Variants in DSCAM observed in about 807,000 individuals in gnomAD.
DSCAM encodes the protein cell adhesion molecule DSCAM.
DSCAM carries 47 observed loss-of-function variants against 217.7 expected under a neutral mutation model. The ratio of observed to expected loss-of-function variants is 0.22; its 90% CI spans 0.17 to 0.28. The LOEUF (loss-of-function observed/expected upper bound fraction) is 0.28, where lower values mean the gene tolerates loss of function less well. Ranked by LOEUF, DSCAM falls within the 10% of genes least tolerant of loss-of-function variation. DSCAM has a pLI of 1.00. For synonymous variants in DSCAM, 1,056 were observed against 1,015.3 expected (o/e 1.04, Z -0.76); for missense variants, 2,080 against 2,618.3 (o/e 0.79, Z 4.49).
intron 4 of DSCAM, among the ~76,000 whole-genome samples, chr21:40,367,976 C>T (rs1391199227): frequency 6.6e-6 from 1 of 152,150 alleles, no homozygotes; most frequent in South Asian, 2.1e-4. Context: ...GGAAAGTAAA[C>T]TTGCCTTTCC....
chr21:40,505,486 A>G (rs1251297713), intron 3 of DSCAM, among the ~76,000 whole-genome samples: 3 of 152,208 alleles, frequency 2.0e-5, no homozygotes, highest in Non-Finnish European at 4.4e-5. Context: ...GAAGAAGTCT[A>G]CTAGTCAGAG....
chr21:40,352,554 T>A (rs999361157), intron 5 of DSCAM, among the ~76,000 whole-genome samples: 6 of 152,288 alleles, frequency 3.9e-5, no homozygotes, highest in Admixed American at 1.3e-4. Flanking sequence ...GAAGAGAAAG[T>A]TCCATAAACA....
chr21:40,436,632 T>C (rs2075585311), intron 3 of DSCAM, among the ~76,000 whole-genome samples: 2 of 152,098 alleles, frequency 1.3e-5, no homozygotes, highest in South Asian at 4.2e-4. Context: ...AGAACACCAG[T>C]TCTGTGGGAT....
At chr21:40,264,188 G>A (rs1395536835) in intron 11 of DSCAM, among the ~76,000 whole-genome samples, 1 of 152,122 alleles carries the variant, frequency 6.6e-6, no homozygotes, top group African/African-American at 2.4e-5. Context: ...AGGGAATCCT[G>A]CCTAACTTAT....
Position 40,342,250 on chromosome 21 carries a change from CTA to C in DSCAM, c.1211-2837_1211-2836del, listed in dbSNP as rs529513520. On this transcript the variant is annotated intron_variant, in intron 6 of 32. Transcript: ENST00000400454. ...ATGATCTGATACATTTGTAAGATTC[CTA>C]TAGAGATTATATATAATATCTGTCA... Among the ~76,000 whole-genome samples, 410 of 151,898 alleles carry C rather than the reference CTA, an allele frequency of 2.7e-3. 1 individual carries two copies. The highest frequency in any genetic ancestry group is 4.5e-3 in the Non-Finnish European group (304 of 67,968).
Position 40,832,637 on chromosome 21 carries a change from G to C in DSCAM, c.43+13982C>G, listed in dbSNP as rs2092021243. Among the ~76,000 whole-genome samples the C allele has an allele frequency of 2.0e-5, 3 of 152,050 alleles. No individual in the cohort carries two copies. The South Asian group carries it at 6.2e-4, about 32-fold the overall frequency. On this transcript the variant is annotated intron_variant, in intron 1 of 32. Transcript: ENST00000400454. Reference sequence around the variant, plus strand: ...CGTTTCCAGCCAGATCAAAACACAGGCAAATTCTGATTTAAAAAACTGCAC... The same window carrying C: ...CGTTTCCAGCCAGATCAAAACACAGCCAAATTCTGATTTAAAAAACTGCAC...
Position 40,250,988 on chromosome 21 carries a change from T to G in DSCAM, c.2356+25109A>C, listed in dbSNP as rs113277610. The stretch of plus-strand genomic sequence containing the variant: ...GAGCATTTGCTCAATCTCTATCACC[T>G]GATATCCTGAAAAGGGAGTGGAGGC... On this transcript the variant is annotated intron_variant, in intron 11 of 32. Transcript: ENST00000400454. 3.3e-3 allele frequency among the ~76,000 whole-genome samples: 500 copies of G among 152,350 alleles called. 8 individuals are homozygous for G. Among genetic ancestry groups the G allele is most frequent in the African/African-American group, 0.011 (476 of 41,582 alleles).
At chr21:40,270,862 AG>A (rs1288458288) in intron 11 of DSCAM, among the ~76,000 whole-genome samples, 1 of 152,200 alleles carries the variant, frequency 6.6e-6, no homozygotes, top group African/African-American at 2.4e-5. Flanking sequence ...ATTAGGGGTT[AG>A]GATAAAGATT....
intron 1 of DSCAM, among the ~76,000 whole-genome samples, chr21:40,771,311 T>C (rs1220239841): frequency 6.6e-6 from 1 of 152,198 alleles, no homozygotes; most frequent in Non-Finnish European, 1.5e-5. Context: ...TTCAGGCTGC[T>C]GTCATAACGC....
chr21:40,739,197 C>A (rs1322255471), intron 1 of DSCAM, among the ~76,000 whole-genome samples: 2 of 152,146 alleles, frequency 1.3e-5, no homozygotes, highest in African/African-American at 4.8e-5. Context: ...ACAACCAAAC[C>A]TAGACAGGCG....
chr21:40,120,889 G>T (rs2090025698), intron 20 of DSCAM, among the ~76,000 whole-genome samples: 1 of 115,564 alleles, frequency 8.7e-6, no homozygotes, highest in African/African-American at 3.8e-5. Context: ...ACATATTAGA[G>T]AAAAAAGCTT....
chr21:40,221,145 C>T (rs1318789545), intron 11 of DSCAM, among the ~76,000 whole-genome samples: 2 of 152,026 alleles, frequency 1.3e-5, no homozygotes, highest in African/African-American at 4.8e-5. Flanking sequence ...TGTGGAGTGT[C>T]AAACAGGATG....
chr21:40,793,560 G>C (rs1228518568), intron 1 of DSCAM, among the ~76,000 whole-genome samples: 5 of 151,680 alleles, frequency 3.3e-5, no homozygotes, highest in African/African-American at 1.2e-4. Context: ...GTGTGATCTC[G>C]GCTCACTGAA....
rs1023897992 is a variant in DSCAM at position 40,012,836 on chromosome 21, G to A, written c.*198C>T. 9 of 389,594 alleles carry A rather than the reference G, an allele frequency of 2.3e-5. No individual in the cohort carries two copies. The highest frequency in any genetic ancestry group is 6.2e-5 in the African/African-American group (3 of 48,110). The allele number at this position is 389,594 out of a possible 1,614,324, so 24.1% of individuals were successfully genotyped here. ...TTCCCAAAAAATCAGATGCCCAGGCGGATGGAGCTCACACTCAGACAGAAA... is the reference window on the plus strand; with the variant it reads ...TTCCCAAAAAATCAGATGCCCAGGCAGATGGAGCTCACACTCAGACAGAAA... On this transcript the variant is annotated 3_prime_UTR_variant, in exon 33 of 33. Transcript: ENST00000400454.
chr21:40,075,268 C>T, intron 26 of DSCAM, 55 bp from the exon 27 acceptor site: 1 of 1,585,756 alleles, frequency 6.3e-7, no homozygotes, highest in Non-Finnish European at 8.6e-7. Context: ...CATGGCGGAG[C>T]TTTTAGGGAT....
chr21:40,320,395 C>T (rs1209140458), intron 8 of DSCAM, among the ~76,000 whole-genome samples: 1 of 151,842 alleles, frequency 6.6e-6, no homozygotes, highest in Non-Finnish European at 1.5e-5. Context: ...ATGGCCATTG[C>T]AGTGTTAGCT....
chr21:40,227,919 C>T (rs1044334496), intron 11 of DSCAM, among the ~76,000 whole-genome samples: 2 of 152,292 alleles, frequency 1.3e-5, no homozygotes, highest in Non-Finnish European at 1.5e-5. Flanking sequence ...AAGATCCCAT[C>T]CAGGATCCCA....
intron 3 of DSCAM, among the ~76,000 whole-genome samples, chr21:40,662,954 C>A (rs2090154671): frequency 6.6e-6 from 1 of 152,204 alleles, no homozygotes; most frequent in South Asian, 2.1e-4. Context: ...GGGAGAGTGC[C>A]TGAGGTGTCA....
chr21:40,216,471 T>C (rs931667620), intron 11 of DSCAM, among the ~76,000 whole-genome samples: 1 of 152,128 alleles, frequency 6.6e-6, no homozygotes, highest in Non-Finnish European at 1.5e-5. Context: ...AAAAAAGCTT[T>C]TAAAAACCTC....
Sources: allele counts gnomAD v4.1 joint callset (sites outside exome capture counted in the v4.1 genomes callset), GRCh38; gene constraint gnomAD v4.1.1; transcripts MANE v1.5; gene names NCBI Gene and HGNC (gene_info 2026-07-23, HGNC 2026-07-21).